The following FZD3 variants were observed in gnomAD, a reference collection of about 807,000 sequenced individuals.
FZD3 encodes frizzled class receptor 3.
Under a neutral mutation model 60.7 loss-of-function variants are expected in FZD3, and 30 were observed. The observed-to-expected ratio is 0.49, with a 90% CI of 0.37 to 0.67. The LOEUF (loss-of-function observed/expected upper bound fraction) is 0.67, where lower values mean the gene tolerates loss of function less well. Among genes scored for constraint, FZD3 ranks in the 30% least tolerant of loss-of-function variants. The pLI is 0.00. For synonymous variants in FZD3, 246 were observed against 275.2 expected (o/e 0.89, Z 1.05); for missense variants, 605 against 838.7 (o/e 0.72, Z 3.44).
At chr8:28,545,310 G>A (rs189616908) in intron 5 of FZD3, among the ~76,000 whole-genome samples, 5 of 152,332 alleles carry the variant, frequency 3.3e-5, no homozygotes, top group African/African-American at 4.8e-5. Context: ...AAGTGATTCT[G>A]TATGACCCCA....
At chr8:28,530,773 A>G (rs1804850681) in intron 5 of FZD3, among the ~76,000 whole-genome samples, 1 of 145,632 alleles carries the variant, frequency 6.9e-6, no homozygotes, top group Admixed American at 7.0e-5. Context: ...AAGCCTGTAC[A>G]ATTACCAATA....
chr8:28,512,934 A>G (rs1804327429), intron 3 of FZD3, among the ~76,000 whole-genome samples: 1 of 152,138 alleles, frequency 6.6e-6, no homozygotes, highest in Admixed American at 6.5e-5. Flanking sequence ...CTTTTACTAC[A>G]TTTATAGAAT....
chr8:28,522,961 G>C (rs1017712349), intron 4 of FZD3, among the ~76,000 whole-genome samples: 36 of 151,832 alleles, frequency 2.4e-4, no homozygotes, highest in African/African-American at 7.7e-4. Flanking sequence ...GTAGAGACGG[G>C]GTTTCACCAC....
chr8:28,574,183 A>G lies in FZD3; in HGVS notation c.*11172A>G, dbSNP rs975229476. 1 of 152,208 alleles carries G rather than the reference A, an allele frequency of 6.6e-6. No individual in the cohort carries two copies. The highest frequency in any genetic ancestry group is 2.4e-5 in the African/African-American group (1 of 41,468). The allele number at this position is 152,208 out of a possible 1,614,324, so 9.4% of individuals were successfully genotyped here. On this transcript the variant is annotated 3_prime_UTR_variant, in exon 8 of 8. Coordinates refer to ENST00000240093, the MANE Select transcript of FZD3 (RefSeq NM_017412.4). ...TTCTTAGCACTTTAACTGTGAGTGT[A>G]CAAACTGATTTTAAATGTAGTGGTT...
chr8:28,551,218 T>G (rs1454777717), intron 5 of FZD3, among the ~76,000 whole-genome samples: 1 of 152,208 alleles, frequency 6.6e-6, no homozygotes, highest in African/African-American at 2.4e-5. Context: ...ATTTGTAGAA[T>G]TATTTTACTC....
chr8:28,548,005 A>G (rs892580295), intron 5 of FZD3, among the ~76,000 whole-genome samples: 3 of 151,778 alleles, frequency 2.0e-5, no homozygotes, highest in Non-Finnish European at 4.4e-5. Flanking sequence ...GGCGCCCACC[A>G]TCACACCTGG....
At chr8:28,517,169 A>G (rs757931214) in intron 3 of FZD3, among the ~76,000 whole-genome samples, 15 of 152,074 alleles carry the variant, frequency 9.9e-5, no homozygotes, top group Non-Finnish European at 1.6e-4. Flanking sequence ...TTTTTTGTCT[A>G]TCTAAAAGTA....
rs186039368 is a variant in FZD3, at chr8:28,535,130, A to T, written c.1404+6966A>T. 2.6e-5 allele frequency among the ~76,000 whole-genome samples: 4 copies of T among 152,352 alleles called. No homozygotes were observed. The East Asian group carries it at 5.8e-4, about 22-fold the overall frequency. On this transcript the variant is annotated intron_variant, in intron 5 of 7. Coordinates refer to ENST00000240093, the MANE Select transcript of FZD3 (RefSeq NM_017412.4). ...AAAATACCAATTGGGTTTAGTGCAA[A>T]TTGCATGAATGTAAATTCATAATTT...
intron 4 of FZD3, among the ~76,000 whole-genome samples, chr8:28,525,084 G>A (rs1353337392): frequency 6.6e-6 from 1 of 152,076 alleles, no homozygotes; most frequent in Non-Finnish European, 1.5e-5. Context: ...GCTCAAGTCT[G>A]TCTTTTACAC....
intron 3 of FZD3, among the ~76,000 whole-genome samples, chr8:28,508,974 A>G (rs924955702): frequency 4.0e-5 from 6 of 151,872 alleles, no homozygotes; most frequent in Non-Finnish European, 8.8e-5. Flanking sequence ...AGATTTCTTT[A>G]TACTTCTTTT....
chr8:28,545,896 A>T (rs774325688), intron 5 of FZD3, among the ~76,000 whole-genome samples: 1 of 152,206 alleles, frequency 6.6e-6, no homozygotes, highest in Non-Finnish European at 1.5e-5. Flanking sequence ...CGTAGACCGC[A>T]TATGCGACTA....
At chr8:28,515,024 A>G (rs73230969) in intron 3 of FZD3, among the ~76,000 whole-genome samples, 39,905 of 152,122 alleles carry the variant, frequency 0.26, 5,582 homozygotes, top group East Asian at 0.35. Flanking sequence ...TCTTGGGTCT[A>G]TCTTTGTAGT....
chr8:28,497,408 A>G (rs145410206), intron 1 of FZD3, among the ~76,000 whole-genome samples: 13 of 152,228 alleles, frequency 8.5e-5, no homozygotes, highest in African/African-American at 3.1e-4. Flanking sequence ...ACATTTGAGC[A>G]ATGAGTGTAC....
chr8:28,523,978 C>G (rs2130362641), intron 4 of FZD3, among the ~76,000 whole-genome samples: 1 of 152,234 alleles, frequency 6.6e-6, no homozygotes, highest in East Asian at 1.9e-4. Context: ...TCCTCTCTCT[C>G]CCTTTTGCCA....
Position 28,520,741 on chromosome 8 carries a change from C to T in FZD3, c.293C>T (p.Pro98Leu). 1 of 1,613,106 alleles carries T rather than the reference C, an allele frequency of 6.2e-7. No homozygotes were observed. The highest frequency in any genetic ancestry group is 1.7e-5 in the Admixed American group (1 of 59,948). The change falls in exon 4 of 8, where the codon CCC becomes CTC. Residue 98 changes from proline to leucine, a missense_variant. Pro to Leu is a moderately conservative substitution (Grantham distance 98). Coordinates refer to ENST00000240093, the MANE Select transcript of FZD3 (RefSeq NM_017412.4). ...ICMEYGRVTL[P>L]CRRLCQRAYS... ...ATGGAATATGGACGTGTCACACTTC[C>T]CTGTCGTAGGCTGTGTCAGCGGGCT...
chr8:28,562,057 A>G (rs2130476955), intron 7 of FZD3, among the ~76,000 whole-genome samples: 1 of 152,310 alleles, frequency 6.6e-6, no homozygotes, highest in South Asian at 2.1e-4. Context: ...AGAGGAGCCC[A>G]GCTCACATAC....
At chr8:28,522,666 T>A (rs1246386079) in intron 4 of FZD3, among the ~76,000 whole-genome samples, 1 of 152,132 alleles carries the variant, frequency 6.6e-6, no homozygotes, top group East Asian at 1.9e-4. Flanking sequence ...ATAATCTTTA[T>A]TTTTTTAATT....
At chr8:28,512,690 C>T (rs1017585600) in intron 3 of FZD3, among the ~76,000 whole-genome samples, 7 of 151,786 alleles carry the variant, frequency 4.6e-5, no homozygotes, top group African/African-American at 1.7e-4. Flanking sequence ...TGGATAAGTA[C>T]AATATAGGGA....
intron 7 of FZD3, among the ~76,000 whole-genome samples, chr8:28,561,223 AT>A (rs1805607335): frequency 6.6e-6 from 1 of 151,996 alleles, no homozygotes; most frequent in East Asian, 1.9e-4. Flanking sequence ...TGCCCAGCTA[AT>A]TTTTGTATTT....
Sources: gnomAD v4.1 joint callset for allele counts (sites outside exome capture counted in the v4.1 genomes callset) on GRCh38, gnomAD v4.1.1 for gene constraint, MANE v1.5 for transcripts, NCBI Gene and HGNC (gene_info 2026-07-23, HGNC 2026-07-21) for gene names.